ADAMTSL3: variants seen among roughly 807,000 people sequenced by gnomAD.
ADAMTSL3 encodes ADAMTS-like protein 3.
A neutral mutation model predicts 201.7 loss-of-function variants in ADAMTSL3; 128 were observed. The ratio of observed to expected loss-of-function variants is 0.63; its 90% CI spans 0.55 to 0.73. ADAMTSL3 has a LOEUF of 0.73. Ranked by LOEUF, ADAMTSL3 falls within the 30% of genes least tolerant of loss-of-function variation. The pLI is 0.00. For synonymous variants in ADAMTSL3, 738 were observed against 748.4 expected (o/e 0.99, Z 0.23); for missense variants, 1,990 against 2,119.6 (o/e 0.94, Z 1.20).
chr15:83,794,872 A>T (rs2141835075), intron 4 of ADAMTSL3, among the ~76,000 whole-genome samples: 1 of 152,206 alleles, frequency 6.6e-6, no homozygotes, highest in South Asian at 2.1e-4. Flanking sequence ...TTATTATTTG[A>T]GATGGAGTCT....
At chr15:83,855,050 G>A (rs939877640) in intron 7 of ADAMTSL3, among the ~76,000 whole-genome samples, 2 of 152,130 alleles carry the variant, frequency 1.3e-5, no homozygotes, top group African/African-American at 4.8e-5. Context: ...GTCTGTGTGT[G>A]TGTGCATATG....
intron 17 of ADAMTSL3, among the ~76,000 whole-genome samples, chr15:83,927,986 T>C (rs1596417993): frequency 6.6e-6 from 1 of 150,920 alleles, no homozygotes; most frequent in Middle Eastern, 3.4e-3. Flanking sequence ...TTTTTTTTTC[T>C]TTTTTTTGAG....
At chr15:84,024,289 A>G (rs1021721227) in intron 26 of ADAMTSL3, among the ~76,000 whole-genome samples, 23 of 152,202 alleles carry the variant, frequency 1.5e-4, no homozygotes, top group African/African-American at 5.5e-4. Context: ...GATCTGATAT[A>G]GATTTACTTC....
chr15:83,846,774 A>T (rs2064507507), intron 7 of ADAMTSL3, among the ~76,000 whole-genome samples: 1 of 152,192 alleles, frequency 6.6e-6, no homozygotes, highest in Non-Finnish European at 1.5e-5. Flanking sequence ...CCCACTACAG[A>T]GTCAGAAGGC....
At chr15:83,684,385 C>T (rs1301662915) in intron 2 of ADAMTSL3, among the ~76,000 whole-genome samples, 1 of 152,116 alleles carries the variant, frequency 6.6e-6, no homozygotes, top group East Asian at 1.9e-4. Context: ...TATTTCTAAA[C>T]AAAATATACA....
At chr15:83,711,904 AC>A (rs2061938413) in intron 3 of ADAMTSL3, among the ~76,000 whole-genome samples, 1 of 152,130 alleles carries the variant, frequency 6.6e-6, no homozygotes, top group African/African-American at 2.4e-5. Context: ...TTTATCACTT[AC>A]ACCCTATGGG....
At chr15:83,783,837 CTGTG>C (rs59071955) in intron 4 of ADAMTSL3, among the ~76,000 whole-genome samples, 23 of 148,752 alleles carry the variant, frequency 1.5e-4, no homozygotes, top group South Asian at 2.2e-4. Flanking sequence ...CATATATACT[CTGTG>C]TGTGTGTGTG....
intron 7 of ADAMTSL3, among the ~76,000 whole-genome samples, chr15:83,843,792 G>T (rs931817234): frequency 6.6e-6 from 1 of 152,178 alleles, no homozygotes; most frequent in Non-Finnish European, 1.5e-5. Flanking sequence ...CCATCACGCA[G>T]TGAGGCAGAC....
intron 17 of ADAMTSL3, among the ~76,000 whole-genome samples, chr15:83,926,906 C>A (rs916094839): frequency 6.6e-6 from 1 of 152,134 alleles, no homozygotes; most frequent in Non-Finnish European, 1.5e-5. Flanking sequence ...CATAAGCCAC[C>A]GCACCTGGCC....
intron 2 of ADAMTSL3, among the ~76,000 whole-genome samples, chr15:83,699,694 C>T (rs1222067552): frequency 2.0e-5 from 3 of 152,242 alleles, no homozygotes; most frequent in East Asian, 3.9e-4. Flanking sequence ...GTTACTTGTC[C>T]GCACTGAATT....
chr15:84,026,766 C>T (rs774238583), intron 27 of ADAMTSL3, among the ~76,000 whole-genome samples: 4 of 151,470 alleles, frequency 2.6e-5, no homozygotes, highest in Admixed American at 2.0e-4. Flanking sequence ...ACACCACATA[C>T]GAAAAAATAA....
At chr15:84,032,680 A>C (rs2068430781) in intron 28 of ADAMTSL3, among the ~76,000 whole-genome samples, 1 of 152,160 alleles carries the variant, frequency 6.6e-6, no homozygotes, top group African/African-American at 2.4e-5. Context: ...ATTCTTTTTA[A>C]TTTTGTACTT....
Position 84,037,885 on chromosome 15 carries a change from A to G in ADAMTSL3, c.*79A>G. ...TCTTTTCCCCATGTCGCTGATTCAA[A>G]AACATGTATTTCTTAAAAGACTAGA... is the stretch of plus-strand genomic sequence containing the variant. On this transcript the variant is annotated 3_prime_UTR_variant, in exon 30 of 30. Transcript: ENST00000286744. 1.3e-6 allele frequency: 2 copies of G among 1,514,746 alleles called. No homozygotes were observed. Among genetic ancestry groups the G allele is most frequent in the Non-Finnish European group, 1.8e-6 (2 of 1,135,458 alleles). The allele number at this position is 1,514,746 out of a possible 1,614,324, so 93.8% of individuals were successfully genotyped here. A position where few individuals can be genotyped will look rare whatever the true frequency, so the allele number is the denominator to read the frequency against.
intron 15 of ADAMTSL3, among the ~76,000 whole-genome samples, chr15:83,912,022 C>T (rs758455579): frequency 3.3e-5 from 5 of 152,188 alleles, no homozygotes; most frequent in African/African-American, 1.2e-4. Context: ...TGAACATTAT[C>T]GAGCCCTGAG....
chr15:83,801,791 G>A (rs1212426418), intron 4 of ADAMTSL3, among the ~76,000 whole-genome samples: 4 of 147,468 alleles, frequency 2.7e-5, no homozygotes, highest in Non-Finnish European at 6.0e-5. Flanking sequence ...TATGGCACAA[G>A]AGCAGTAATC....
intron 23 of ADAMTSL3, among the ~76,000 whole-genome samples, chr15:83,992,197 G>A (rs2067593363): frequency 6.6e-6 from 1 of 152,170 alleles, no homozygotes; most frequent in African/African-American, 2.4e-5. Context: ...GAGGGTGCAT[G>A]TAATGAGGGA....
chr15:83,904,496 A>G (rs7178962), intron 15 of ADAMTSL3, among the ~76,000 whole-genome samples: 95,423 of 152,008 alleles, frequency 0.63, 31,035 homozygotes, highest in African/African-American at 0.79. Context: ...GGAGATAAAT[A>G]TTTCTGCCTC....
Position 83,942,585 on chromosome 15 carries a change from T to C in ADAMTSL3, c.2118-11T>C. On this transcript the variant is annotated splice_polypyrimidine_tract_variant and intron_variant, in intron 17 of 29. Transcript: ENST00000286744. The stretch of plus-strand genomic sequence containing the variant: ...GACTGTTCAACTTTCCCCACTTGTT[T>C]TCTGTTTTAGGTGGCATGTGGGCTC... 1 of 1,606,056 alleles carries C rather than the reference T, an allele frequency of 6.2e-7. No homozygotes were observed. Among genetic ancestry groups the C allele is most frequent in the Non-Finnish European group, 8.5e-7 (1 of 1,176,250 alleles).
chr15:84,022,082 A>C (rs984138417), intron 26 of ADAMTSL3, among the ~76,000 whole-genome samples: 1 of 152,154 alleles, frequency 6.6e-6, no homozygotes, highest in African/African-American at 2.4e-5. Context: ...TAATTTTTAA[A>C]TGTCCAAAAT....
Sources: gnomAD v4.1 joint callset for allele counts (sites outside exome capture counted in the v4.1 genomes callset) on GRCh38, gnomAD v4.1.1 for gene constraint, MANE v1.5 for transcripts, NCBI Gene and HGNC (gene_info 2026-07-23, HGNC 2026-07-21) for gene names.